Variants in HK1 observed in about 807,000 individuals in gnomAD.
The protein encoded by HK1 is hexokinase-1.
In HK1, 28 loss-of-function variants were observed where a neutral mutation model predicts 91.6. That is an observed-to-expected ratio of 0.31 (90% CI 0.23 to 0.42). HK1 has a LOEUF of 0.42. HK1 is among the 10% of genes least tolerant of loss of function. HK1 has a pLI of 1.00. For missense variants in HK1, 770 were observed against 1,219.8 expected, an observed-to-expected ratio of 0.63 and a Z score of 5.49; for synonymous variants, 430 against 468.1, an observed-to-expected ratio of 0.92 and a Z score of 1.05.
intron 1 of HK1, among the ~76,000 whole-genome samples, chr10:69,334,819 A>T (rs959517470): frequency 6.6e-6 from 1 of 152,192 alleles, no homozygotes; most frequent in Admixed American, 6.5e-5. Flanking sequence ...AGTGTCTCCC[A>T]GGCAGATCGA....
chr10:69,288,725 A>C lies in HK1; in HGVS notation c.-160A>C, dbSNP rs144984081. The C allele has an allele frequency of 2.2e-3, 3,610 of 1,613,404 alleles. 77 individuals carry two copies. The East Asian group carries it at 0.046, about 21-fold the overall frequency. On this transcript the variant is annotated 5_prime_UTR_variant, in exon 3 of 22. Transcript: ENST00000360289. Reference sequence around the variant, plus strand: ...AAAGCAGAAGAAAGGACCCGAGGTCAGCAAGTGCCCTCCCCACAATGGGGC... The same window carrying C: ...AAAGCAGAAGAAAGGACCCGAGGTCCGCAAGTGCCCTCCCCACAATGGGGC...
chr10:69,340,502 G>A (rs1194670262), intron 1 of HK1, among the ~76,000 whole-genome samples: 2 of 152,128 alleles, frequency 1.3e-5, no homozygotes, highest in East Asian at 1.9e-4. Context: ...CACTCGCCTC[G>A]GCCTCTCAAA....
rs1356550170 is a variant in HK1, at chr10:69,376,817, A to G, written c.876-117A>G. 3.8e-6 allele frequency: 5 copies of G among 1,308,368 alleles called. No individual in the cohort carries two copies. The African/African-American group carries it at 7.3e-5, about 19-fold the overall frequency. The allele number at this position is 1,308,368 out of a possible 1,614,324, so 81.0% of individuals were successfully genotyped here. A position where few individuals can be genotyped will look rare whatever the true frequency, so the allele number is the denominator to read the frequency against. On this transcript the variant is annotated intron_variant, in intron 7 of 17. Transcript: ENST00000359426. ...AAGCACATGGTTTTGCCTGCCAGCGAGGCTGGGGGCTGGTGAGGGGTGAGT... is the reference window on the plus strand; with the variant it reads ...AAGCACATGGTTTTGCCTGCCAGCGGGGCTGGGGGCTGGTGAGGGGTGAGT...
chr10:69,340,378 T>A (rs1274894283), intron 1 of HK1, among the ~76,000 whole-genome samples: 1 of 152,184 alleles, frequency 6.6e-6, no homozygotes, highest in Non-Finnish European at 1.5e-5. Context: ...GTCTCCTGAG[T>A]AGCTGGGATT....
At chr10:69,276,090 C>CAAAAAAAAAAAAAAAAAAAAAAAAA (rs60324656) in intron 1 of HK1, among the ~76,000 whole-genome samples, 1 of 15,932 alleles carries the variant, frequency 6.3e-5, no homozygotes, top group African/African-American at 2.1e-4. Flanking sequence ...AACTCCTTTT[C>CAAAAAAAAAAAAAAAAAAAAAAAAA]AAAAAAAAAA....
At chr10:69,273,307 C>T (rs896458890) in intron 1 of HK1, among the ~76,000 whole-genome samples, 12 of 152,004 alleles carry the variant, frequency 7.9e-5, no homozygotes, top group South Asian at 2.1e-4. Context: ...GCTCCACCTC[C>T]GGAATTCATG....
chr10:69,394,323 A>T (rs1840041374), intron 15 of HK1, among the ~76,000 whole-genome samples: 1 of 152,232 alleles, frequency 6.6e-6, no homozygotes, highest in South Asian at 2.1e-4. Context: ...TGTGGGCTTG[A>T]CCAGTACTCT....
At chr10:69,394,353 A>T (rs1840042288) in intron 15 of HK1, among the ~76,000 whole-genome samples, 1 of 152,240 alleles carries the variant, frequency 6.6e-6, no homozygotes, top group Non-Finnish European at 1.5e-5. Flanking sequence ...CAAAACCTTT[A>T]GAAAAATCTA....
chr10:69,327,115 C>G (rs975819097), intron 1 of HK1, among the ~76,000 whole-genome samples: 1 of 150,970 alleles, frequency 6.6e-6, no homozygotes, highest in Non-Finnish European at 1.5e-5. Flanking sequence ...AGCAATCCTC[C>G]TGCCTCAGCC....
intron 4 of HK1, among the ~76,000 whole-genome samples, chr10:69,296,003 G>A (rs1342545740): frequency 2.6e-5 from 4 of 152,128 alleles, no homozygotes; most frequent in Admixed American, 6.6e-5. Context: ...AGAGACCCTG[G>A]GAGGGGAAAT....
intron 1 of HK1, among the ~76,000 whole-genome samples, chr10:69,323,024 A>G (rs867902392): frequency 6.6e-6 from 1 of 152,130 alleles, no homozygotes; most frequent in Middle Eastern, 3.4e-3. Flanking sequence ...GAGGCAGGTG[A>G]ATCACGAAGT....
rs750328042 is a variant in HK1 at position 69,376,914 on chromosome 10, C to T, written c.876-20C>T. The T allele has an allele frequency of 4.0e-5, 65 of 1,613,824 alleles. No individual in the cohort carries two copies. The highest frequency in any genetic ancestry group is 1.8e-4 in the East Asian group (8 of 44,900). ...GGCGCAGAGGAAGGCTGACAAGTGCCGGTGTGCCTTTCTCCACAGGTTTGA... is the reference window on the plus strand; with the variant it reads ...GGCGCAGAGGAAGGCTGACAAGTGCTGGTGTGCCTTTCTCCACAGGTTTGA... On this transcript the variant is annotated intron_variant, in intron 7 of 17. Transcript: ENST00000359426.
rs148004440 is a variant in HK1, at chr10:69,296,728, C to G, written c.-67+1048C>G. Among the ~76,000 whole-genome samples, 359 of 152,114 alleles carry G rather than the reference C, an allele frequency of 2.4e-3. 3 individuals carry two copies. Among genetic ancestry groups the G allele is most frequent in the South Asian group, 0.013 (64 of 4,824 alleles). On this transcript the variant is annotated intron_variant, in intron 4 of 21. Transcript: ENST00000360289. ...GCAGCATGTGCCAAAACAGAGCCTG[C>G]AAAAATGGGAAAAAGCTGGGGAGAC...
At chr10:69,347,347 G>A (rs1848614178) in intron 2 of HK1, among the ~76,000 whole-genome samples, 1 of 151,876 alleles carries the variant, frequency 6.6e-6, no homozygotes, top group Non-Finnish European at 1.5e-5. Flanking sequence ...GCAGGAGACA[G>A]GGAACAGTAA....
In HK1 at chr10:69,401,182, A is replaced by T; in HGVS notation, c.*47A>T. On this transcript the variant is annotated 3_prime_UTR_variant, in exon 18 of 18. Transcript: ENST00000359426. ...CTGCCTCTCCAGCACTTCTCTCTTC[A>T]AGCGGCGACCCCCTACCCTCCCAGC... is the stretch of plus-strand genomic sequence containing the variant. The T allele has an allele frequency of 6.3e-7, 1 of 1,586,226 alleles. No homozygotes were observed. Among genetic ancestry groups the T allele is most frequent in the South Asian group, 1.1e-5 (1 of 88,670 alleles).
chr10:69,310,280 G>A (rs899856326), intron 5 of HK1, among the ~76,000 whole-genome samples: 3 of 151,776 alleles, frequency 2.0e-5, no homozygotes, highest in African/African-American at 7.3e-5. Flanking sequence ...AATTAGCCGG[G>A]TGTGGTGGTG....
At chr10:69,341,913 C>A (rs1423228843) in intron 1 of HK1, among the ~76,000 whole-genome samples, 1 of 151,932 alleles carries the variant, frequency 6.6e-6, no homozygotes, top group Non-Finnish European at 1.5e-5. Context: ...TTTGGGAGGC[C>A]TAGGTGGGTG....
intron 2 of HK1, among the ~76,000 whole-genome samples, chr10:69,282,962 CAAAAAAAAAAAAAATT>C (rs1265754205): frequency 7.2e-6 from 1 of 138,560 alleles, no homozygotes; most frequent in African/African-American, 2.7e-5. Context: ...ACTAAAAATA[CAAAAAAAAAAAAAATT>C]AGCTGGGTAT....
At chr10:69,325,082 C>A (rs1441276510) in intron 1 of HK1, among the ~76,000 whole-genome samples, 2 of 113,264 alleles carry the variant, frequency 1.8e-5, no homozygotes, top group Non-Finnish European at 1.7e-5. Context: ...ATGGAGTCTT[C>A]GCTCTGTTGC....
Sources: allele counts gnomAD v4.1 joint callset (sites outside exome capture counted in the v4.1 genomes callset), GRCh38; gene constraint gnomAD v4.1.1; transcripts MANE v1.5; gene names NCBI Gene and HGNC (gene_info 2026-07-23, HGNC 2026-07-21).